TLE2: variants seen among roughly 807,000 people sequenced by gnomAD.
The protein encoded by TLE2 is TLE family member 2, transcriptional corepressor, also known as transducin-like enhancer protein 2.
A neutral mutation model predicts 97.2 loss-of-function variants in TLE2; 74 were observed. That is an observed-to-expected ratio of 0.76 (90% CI 0.63 to 0.92). The LOEUF (loss-of-function observed/expected upper bound fraction) is 0.92. TLE2 is among the 40% of genes least tolerant of loss of function. The pLI, the probability that TLE2 is intolerant of heterozygous loss-of-function variation, is 0.00. For missense variants in TLE2, 1,038 were observed against 1,008.7 expected (o/e 1.03, Z -0.39); for synonymous variants, 499 against 432.1 (o/e 1.15, Z -1.92).
At chr19:3,045,124 G>C (rs1423448024) in intron 1 of TLE2, among the ~76,000 whole-genome samples, 3 of 152,212 alleles carry the variant, frequency 2.0e-5, no homozygotes, top group Non-Finnish European at 4.4e-5. Context: ...CGACATGGGA[G>C]GATCACCTGA....
chr19:3,036,265 C>A (rs1367380360), intron 1 of TLE2, among the ~76,000 whole-genome samples: 1 of 152,214 alleles, frequency 6.6e-6, no homozygotes, highest in Non-Finnish European at 1.5e-5. Context: ...AAAAAGACTA[C>A]GATTCCCAGA....
intron 9 of TLE2, among the ~76,000 whole-genome samples, chr19:3,015,186 A>C (rs1356036781): frequency 6.6e-6 from 1 of 151,570 alleles, no homozygotes; most frequent in Non-Finnish European, 1.5e-5. Flanking sequence ...TGTAGGTGGG[A>C]GAAGGGGCTC....
At position 3,029,042 on chromosome 19, in the gene TLE2, G is replaced by A. The variant is rs577472126; in HGVS notation, c.-138C>T. ...GGAGGGAGAAGCGGCGCGGGGCAAG[G>A]GACCCTGGAGTCCCTGGCGCGCCCC... On this transcript the variant is annotated 5_prime_UTR_variant, in exon 1 of 20. Coordinates refer to ENST00000262953, the MANE Select transcript of TLE2 (RefSeq NM_003260.5). The A allele has an allele frequency of 4.0e-5, 58 of 1,437,700 alleles. No homozygotes were observed. In the African/African-American group the frequency reaches 5.3e-4, roughly 13 times the overall value. The allele number at this position is 1,437,700 out of a possible 1,614,324, so 89.1% of individuals were successfully genotyped here.
upstream of TLE2, chr19:3,047,527 T>A (rs1446110419): frequency 6.7e-6 from 1 of 148,920 alleles, no homozygotes; most frequent in Non-Finnish European, 1.5e-5. Context: ...CAGGCATCCT[T>A]CTGCTGCCAG....
In TLE2 at chr19:2,997,750, T is replaced by G. The variant is rs2089246503; in HGVS notation, c.*98A>C. 1.2e-6 allele frequency: 1 copy of G among 860,072 alleles called. No individual in the cohort carries two copies. The highest frequency in any genetic ancestry group is 1.7e-5 in the African/African-American group (1 of 60,104). 53.3% of individuals were successfully genotyped at this position (860,072 alleles called of 1,614,324 possible). On this transcript the variant is annotated 3_prime_UTR_variant, in exon 20 of 20. Transcript: ENST00000262953. ...GCCAGAGAGCAGATGGGATGTACGG[T>G]TCCTAGGCAGGGCTGGGAGGCGGCT...
At chr19:3,002,254 AATAACATTATTT>A in intron 18 of TLE2, 87 bp downstream of exon 18, 1 of 1,395,616 alleles carries the variant, frequency 7.2e-7, no homozygotes, top group Admixed American at 2.8e-5. Context: ...TTAGTATATA[AATAACATTATTT>A]GTTATTTATC....
At chr19:3,011,899 C>T (rs1284676579) in intron 11 of TLE2, among the ~76,000 whole-genome samples, 1 of 151,750 alleles carries the variant, frequency 6.6e-6, no homozygotes, top group Non-Finnish European at 1.5e-5. Context: ...AAGTTATAGG[C>T]TGTCAAGATT....
At chr19:3,045,227 T>A (rs10418394) in intron 1 of TLE2, among the ~76,000 whole-genome samples, 1 of 151,968 alleles carries the variant, frequency 6.6e-6, no homozygotes, top group Admixed American at 6.6e-5. Context: ...ATAATAAAAA[T>A]AAAGAATGCA....
intron 1 of TLE2, among the ~76,000 whole-genome samples, chr19:3,042,676 G>C (rs2090113704): frequency 6.6e-6 from 1 of 151,408 alleles, no homozygotes; most frequent in Non-Finnish European, 1.5e-5. Flanking sequence ...TTTCAAACCT[G>C]AGTTCTATTT....
chr19:3,041,014 T>TGTATATATATATATATATATATATATA (rs55998855), intron 1 of TLE2, among the ~76,000 whole-genome samples: 1 of 20,168 alleles, frequency 5.0e-5, no homozygotes, highest in Non-Finnish European at 8.4e-5. Context: ...TATATATATA[T>TGTATATATATATATATATATATATATA]TTTTTTTTTT....
chr19:3,017,688 A>G (rs1244421704), intron 8 of TLE2, among the ~76,000 whole-genome samples, 152 bp downstream of exon 8: 4 of 151,850 alleles, frequency 2.6e-5, no homozygotes, highest in Non-Finnish European at 4.4e-5. Flanking sequence ...CTGGCCTCAA[A>G]TGATTCTCCT....
chr19:3,015,536 A>T (rs2089683070), intron 9 of TLE2, 117 bp downstream of exon 9: 2 of 747,838 alleles, frequency 2.7e-6, no homozygotes, highest in East Asian at 5.4e-5. Context: ...GTAGGGAGCT[A>T]TGGGAGGCTC....
rs780924037 is a variant in TLE2, at chr19:3,019,705, G to A, written c.363C>T (p.Leu121=). Residue 121 remains leucine, a synonymous_variant, in exon 6 of 20, where the codon CTC becomes CTT. Coordinates refer to ENST00000262953, the MANE Select transcript of TLE2 (RefSeq NM_003260.5). This position sits in a 1 kb window ranked among gnomAD's most constrained non-coding sequence, Gnocchi z 5.1. ...KQVTVGELNS[L]IGQQLQPLSH... Reference sequence around the variant, plus strand: ...AGGGGCTAGAGAGACTCACCCCGATGAGGCTGTTCAGCTCCCCCACGGTGA... The same window carrying A: ...AGGGGCTAGAGAGACTCACCCCGATAAGGCTGTTCAGCTCCCCCACGGTGA... 1 of 1,610,602 alleles carries A rather than the reference G, an allele frequency of 6.2e-7. No homozygotes were observed. Among genetic ancestry groups the A allele is most frequent in the East Asian group, 2.2e-5 (1 of 44,716 alleles).
chr19:3,007,611 G>T lies in TLE2; in HGVS notation c.1251-942C>A, dbSNP rs1274329053. 2.0e-5 allele frequency among the ~76,000 whole-genome samples: 3 copies of T among 152,102 alleles called. 1 individual carries two copies. The East Asian group carries it at 5.8e-4, about 29-fold the overall frequency. ...GGTGATATGGGACAGTCAGTGGGTG[G>T]CACAAATACACAGGGAGTCTAGGTT... On this transcript the variant is annotated intron_variant, in intron 14 of 19. Transcript: ENST00000262953.
chr19:3,006,368 A>G (rs556732761), intron 15 of TLE2, 52 bp downstream of exon 15: 6 of 1,580,530 alleles, frequency 3.8e-6, no homozygotes, highest in Non-Finnish European at 4.3e-6. Context: ...ATTGGAACAT[A>G]AGCCCCACCC....
rs543953812 is a variant in TLE2, at chr19:3,011,621, C to T, written c.874-461G>A. 4.4e-3 allele frequency among the ~76,000 whole-genome samples: 658 copies of T among 149,598 alleles called. 5 individuals are homozygous for T. The highest frequency in any genetic ancestry group is 0.016 in the African/African-American group (632 of 40,664). ...TCCCACCACTTTGGGAGGCCGAGGC[C>T]GGTGGATCACTTGAGGTCAGGAGTT... On this transcript the variant is annotated intron_variant, in intron 11 of 19. Transcript: ENST00000262953.
At chr19:2,998,814 G>A (rs923445330) in intron 19 of TLE2, among the ~76,000 whole-genome samples, 1 of 152,188 alleles carries the variant, frequency 6.6e-6, no homozygotes, top group Non-Finnish European at 1.5e-5. Flanking sequence ...CTGAAGTGCT[G>A]CCCTTTCTGG....
intron 1 of TLE2, among the ~76,000 whole-genome samples, chr19:3,036,470 C>T (rs1341240723): frequency 6.6e-6 from 1 of 152,210 alleles, no homozygotes; most frequent in East Asian, 1.9e-4. Flanking sequence ...GAGGCCAAGC[C>T]TTTGGCTTCC....
intron 1 of TLE2, among the ~76,000 whole-genome samples, chr19:3,040,991 T>TTATATATATATATATATATATATGTATA (rs1168113732): frequency 6.7e-4 from 20 of 29,748 alleles, no homozygotes; most frequent in South Asian, 1.6e-3. Context: ...CTGCTGCCAT[T>TTATATATATATATATATATATATGTATA]TATATATATA....
Sources: gnomAD v4.1 joint callset for allele counts (sites outside exome capture counted in the v4.1 genomes callset) on GRCh38, gnomAD v4.1.1 for gene constraint, Gnocchi (gnomAD v3.1) non-coding constraint, MANE v1.5 for transcripts, NCBI Gene and HGNC (gene_info 2026-07-23, HGNC 2026-07-21) for gene names.